The following PPP1CB variants were observed in gnomAD, a reference collection of about 807,000 sequenced individuals.
The protein encoded by PPP1CB is serine/threonine-protein phosphatase PP1-beta catalytic subunit.
PPP1CB carries 2 observed loss-of-function variants against 43.7 expected under a neutral mutation model. The observed-to-expected ratio is 0.05, with a 90% CI of 0.02 to 0.14. The LOEUF (loss-of-function observed/expected upper bound fraction) is 0.14, where lower values mean the gene tolerates loss of function less well. Among genes scored for constraint, PPP1CB ranks in the 10% least tolerant of loss-of-function variants. The pLI is 1.00. For synonymous variants in PPP1CB, 136 were observed against 135.6 expected (o/e 1.00, Z -0.02); for missense variants, 84 against 398.0 (o/e 0.21, Z 6.71).
chr2:28,783,092 G>A (rs1572461723), intron 4 of PPP1CB, among the ~76,000 whole-genome samples: 1 of 152,284 alleles, frequency 6.6e-6, no homozygotes, highest in East Asian at 1.9e-4. Context: ...AGATTGCAGA[G>A]TATTTTTATG....
At position 28,776,739 on chromosome 2, in the gene PPP1CB, A is replaced by C. The variant is rs146348180; in HGVS notation, c.53-112A>C. ...TTTAAACCATGGGACCAAATAGGGT[A>C]ATTTGCTGCCTGTGTGACTTTTCTG... On this transcript the variant is annotated intron_variant, in intron 1 of 7. Transcript: ENST00000395366. 1,219 of 882,012 alleles carry C rather than the reference A, an allele frequency of 1.4e-3. 1 individual carries two copies. Among genetic ancestry groups the C allele is most frequent in the Non-Finnish European group, 1.8e-3 (1,047 of 575,738 alleles). 54.6% of individuals were successfully genotyped at this position (882,012 alleles called of 1,614,324 possible). A position where few individuals can be genotyped will look rare whatever the true frequency, so the allele number is the denominator to read the frequency against.
chr2:28,762,313 A>C (rs1036250966), intron 1 of PPP1CB, among the ~76,000 whole-genome samples: 16 of 152,224 alleles, frequency 1.1e-4, no homozygotes, highest in African/African-American at 3.6e-4. Flanking sequence ...TCTGTTCTTT[A>C]AGTAGCAACA....
intron 1 of PPP1CB, among the ~76,000 whole-genome samples, chr2:28,771,990 A>C (rs1269545750): frequency 6.7e-6 from 1 of 148,794 alleles, no homozygotes; most frequent in Non-Finnish European, 1.5e-5. Flanking sequence ...AAAAAAAAAA[A>C]GATAACCTAA....
Position 28,800,226 on chromosome 2 carries a change from C to CTTTTTTTTTTTTTTTTTTTTTTTTT in PPP1CB, c.*946_*947insTTTTTTTTTTTTTTTTTTTTTTTTT, listed in dbSNP as rs55736905. ...TTGGTTTTCTTTTTCTTTTTTCTTT[C>CTTTTTTTTTTTTTTTTTTTTTTTTT]TTTTTTTTTTTTTTTTTTTTTTTGA... On this transcript the variant is annotated 3_prime_UTR_variant, in exon 8 of 8. Coordinates refer to ENST00000395366, the MANE Select transcript of PPP1CB (RefSeq NM_002709.3). 9.1e-5 allele frequency: 6 copies of CTTTTTTTTTTTTTTTTTTTTTTTTT among 65,622 alleles called. No homozygotes were observed. The highest frequency in any genetic ancestry group is 6.2e-4 in the South Asian group (1 of 1,612). The allele number at this position is 65,622 out of a possible 1,614,324, so 4.1% of individuals were successfully genotyped here. A position where few individuals can be genotyped will look rare whatever the true frequency, so the allele number is the denominator to read the frequency against.
intron 1 of PPP1CB, among the ~76,000 whole-genome samples, chr2:28,770,217 C>G (rs1666874095): frequency 6.6e-6 from 1 of 152,120 alleles, no homozygotes; most frequent in Non-Finnish European, 1.5e-5. Flanking sequence ...GAGCTGAGAT[C>G]ATGCCGCTGC....
intron 1 of PPP1CB, among the ~76,000 whole-genome samples, chr2:28,765,035 A>G (rs1297497978): frequency 6.6e-6 from 1 of 152,200 alleles, no homozygotes; most frequent in Non-Finnish European, 1.5e-5. Flanking sequence ...GGAAAGTAGC[A>G]TAAGGTTAGT....
chr2:28,761,147 C>T (rs1305540997), intron 1 of PPP1CB, among the ~76,000 whole-genome samples: 1 of 152,138 alleles, frequency 6.6e-6, no homozygotes, highest in Non-Finnish European at 1.5e-5. Flanking sequence ...ACCTTGGCCT[C>T]CCAAATTGCT....
intron 1 of PPP1CB, among the ~76,000 whole-genome samples, chr2:28,765,411 C>T (rs773306814): frequency 6.1e-4 from 93 of 152,318 alleles, no homozygotes; most frequent in Non-Finnish European, 8.5e-4. Flanking sequence ...TTCAGCATGT[C>T]ATTACATTGC....
intron 5 of PPP1CB, among the ~76,000 whole-genome samples, chr2:28,784,494 G>A (rs1181241021): frequency 1.3e-5 from 2 of 151,866 alleles, no homozygotes; most frequent in Non-Finnish European, 2.9e-5. Flanking sequence ...GAATTCCTAG[G>A]CTCAAGCAAT....
intron 1 of PPP1CB, among the ~76,000 whole-genome samples, chr2:28,764,064 T>G (rs541421171): frequency 6.6e-5 from 10 of 152,112 alleles, no homozygotes; most frequent in South Asian, 2.1e-4. Context: ...TGCCTAATTT[T>G]TTTTCACTTA....
At chr2:28,764,117 A>G (rs1172090692) in intron 1 of PPP1CB, among the ~76,000 whole-genome samples, 2 of 152,048 alleles carry the variant, frequency 1.3e-5, no homozygotes, top group Non-Finnish European at 1.5e-5. Context: ...ATGGGGAGGA[A>G]AGGAAGACAG....
intron 5 of PPP1CB, among the ~76,000 whole-genome samples, chr2:28,788,265 G>C (rs1389220900): frequency 8.1e-6 from 1 of 123,262 alleles, no homozygotes; most frequent in East Asian, 1.9e-4. Context: ...AGAATAGACT[G>C]TGGTGCTCAG....
In PPP1CB at chr2:28,778,822, A is replaced by G. The variant is rs780001620; in HGVS notation, c.198A>G (p.Gly66=). 33 of 1,583,490 alleles carry G rather than the reference A, an allele frequency of 2.1e-5. No individual in the cohort carries two copies. The highest frequency in any genetic ancestry group is 1.9e-5 in the Non-Finnish European group (22 of 1,152,580). ...TTCTCTTTTTAGGAGATATTCATGG[A>G]CAATATACAGATTTACTGAGATTAT... ...APLKICGDIH[G]QYTDLLRLFE... is the part of the protein sequence containing the mutation. Residue 66 remains glycine, a synonymous_variant, in exon 3 of 8, where the codon GGA becomes GGG. Coordinates refer to ENST00000395366, the MANE Select transcript of PPP1CB (RefSeq NM_002709.3).
In PPP1CB at chr2:28,801,599, T is replaced by C. The variant is rs1667618343; in HGVS notation, c.*2296T>C. The C allele has an allele frequency of 6.6e-6, 1 of 152,192 alleles. No homozygotes were observed. Among genetic ancestry groups the C allele is most frequent in the Non-Finnish European group, 1.5e-5 (1 of 68,008 alleles). 9.4% of individuals were successfully genotyped at this position (152,192 alleles called of 1,614,324 possible). A position where few individuals can be genotyped will look rare whatever the true frequency, so the allele number is the denominator to read the frequency against. On this transcript the variant is annotated 3_prime_UTR_variant, in exon 8 of 8. Transcript: ENST00000395366. Reference sequence around the variant, plus strand: ...GTCATAAAAATGTGTTCTTTACAAATATTTGCTTGGCAACACGACTTGAAA... The same window carrying C: ...GTCATAAAAATGTGTTCTTTACAAACATTTGCTTGGCAACACGACTTGAAA...
chr2:28,791,495 AG>A (rs1428849515), intron 6 of PPP1CB, among the ~76,000 whole-genome samples: 1 of 151,794 alleles, frequency 6.6e-6, no homozygotes, highest in Non-Finnish European at 1.5e-5. Context: ...TAGCCTGGCT[AG>A]TTTTTGTATT....
chr2:28,785,037 T>C (rs772327499), intron 5 of PPP1CB, among the ~76,000 whole-genome samples: 8 of 146,224 alleles, frequency 5.5e-5, no homozygotes, highest in Non-Finnish European at 1.2e-4. Flanking sequence ...TGTAATACAC[T>C]GTATGTTGTA....
At position 28,784,060 on chromosome 2, in the gene PPP1CB, G is replaced by A. The variant is rs2148053416; in HGVS notation, c.592+82G>A. ...GATTACATTTAGTGGAAGTAGGATT[G>A]GCTTATGTAATAAATAAAAGAGCTT... On this transcript the variant is annotated intron_variant, in intron 5 of 7. Transcript: ENST00000395366. 4 of 1,059,348 alleles carry A rather than the reference G, an allele frequency of 3.8e-6. No homozygotes were observed. The East Asian group carries it at 7.2e-5, about 19-fold the overall frequency. The allele number at this position is 1,059,348 out of a possible 1,614,324, so 65.6% of individuals were successfully genotyped here. A position where few individuals can be genotyped will look rare whatever the true frequency, so the allele number is the denominator to read the frequency against.
chr2:28,770,449 G>T (rs762044960), intron 1 of PPP1CB, among the ~76,000 whole-genome samples: 2 of 148,978 alleles, frequency 1.3e-5, no homozygotes, highest in Non-Finnish European at 3.0e-5. Flanking sequence ...AGCTGACTTG[G>T]CTATATTTAT....
intron 2 of PPP1CB, among the ~76,000 whole-genome samples, chr2:28,777,934 A>G (rs1198679392): frequency 2.6e-5 from 4 of 152,164 alleles, no homozygotes. Flanking sequence ...GATTATAGGC[A>G]TGAGCCACCG....
Sources: gnomAD v4.1 joint callset for allele counts (sites outside exome capture counted in the v4.1 genomes callset) on GRCh38, gnomAD v4.1.1 for gene constraint, MANE v1.5 for transcripts, NCBI Gene and HGNC (gene_info 2026-07-23, HGNC 2026-07-21) for gene names.